The following PSME3 variants were observed in gnomAD, a reference collection of about 807,000 sequenced individuals.
PSME3 encodes the protein proteasome activator subunit 3.
PSME3 carries 7 observed loss-of-function variants against 38.3 expected under a neutral mutation model. The ratio of observed to expected loss-of-function variants is 0.18; its 90% CI spans 0.10 to 0.34. The LOEUF is 0.34. Ranked by LOEUF, PSME3 falls within the 10% of genes least tolerant of loss-of-function variation. The probability of loss-of-function intolerance (pLI) is 1.00; values close to 1 mark genes in which losing one functional copy is unlikely to be tolerated. For synonymous variants in PSME3, 108 were observed against 105.7 expected, an observed-to-expected ratio of 1.02 and a Z score of -0.13; for missense variants, 192 against 307.6, an observed-to-expected ratio of 0.62 and a Z score of 2.81.
At position 42,839,338 on chromosome 17, in the gene PSME3, T is replaced by C. The variant is rs763839071; in HGVS notation, c.642T>C (p.Tyr214=). The change falls in exon 10 of 11, where the codon TAT becomes TAC. Residue 214 remains tyrosine, a synonymous_variant. Transcript: ENST00000590720. ...RTVTEIDEKE[Y]ISLRLIISEL... Reference sequence around the variant, plus strand: ...TGACAGAGATTGATGAGAAAGAATATATCAGCCTTCGGCTCATCATATCAG... The same window carrying C: ...TGACAGAGATTGATGAGAAAGAATACATCAGCCTTCGGCTCATCATATCAG... The C allele has an allele frequency of 1.9e-6, 3 of 1,613,522 alleles. No individual in the cohort carries two copies. The South Asian group carries it at 3.3e-5, about 18-fold the overall frequency.
At position 42,843,367 on chromosome 17, in the gene PSME3, C is replaced by T. The variant is rs1201292499; in HGVS notation, c.*1789C>T. The T allele has an allele frequency of 6.5e-6, 1 of 152,676 alleles. No homozygotes were observed. The highest frequency in any genetic ancestry group is 1.9e-4 in the East Asian group (1 of 5,338). The allele number at this position is 152,676 out of a possible 1,614,324, so 9.5% of individuals were successfully genotyped here. On this transcript the variant is annotated 3_prime_UTR_variant, in exon 11 of 11. Transcript: ENST00000590720. ...GTTGTGTGTCCTTATGCCAGTTGAGCTGAATCTTTTCCCCAGTATAGTGGA... is the reference window on the plus strand; with the variant it reads ...GTTGTGTGTCCTTATGCCAGTTGAGTTGAATCTTTTCCCCAGTATAGTGGA...
At chr17:42,840,354 C>T (rs1257432686) in intron 10 of PSME3, among the ~76,000 whole-genome samples, 3 of 151,868 alleles carry the variant, frequency 2.0e-5, no homozygotes, top group African/African-American at 2.4e-5. Flanking sequence ...ACCTGTAATG[C>T]CAGCACTGTG....
Position 42,841,634 on chromosome 17 carries a change from TGG to T in PSME3, c.*57_*58del. On this transcript the variant is annotated 3_prime_UTR_variant, in exon 11 of 11. Coordinates refer to ENST00000590720, the MANE Select transcript of PSME3 (RefSeq NM_005789.4). The stretch of plus-strand genomic sequence containing the variant: ...GTCTGGCTCAAGACCGACATTGCCT[TGG>T]TTTGTTACATGACTATCGTGATGGG... The T allele has an allele frequency of 1.6e-6, 2 of 1,286,684 alleles. No homozygotes were observed. Among genetic ancestry groups the T allele is most frequent in the Non-Finnish European group, 2.2e-6 (2 of 921,140 alleles). 79.7% of individuals were successfully genotyped at this position (1,286,684 alleles called of 1,614,324 possible).
At position 42,834,584 on chromosome 17, in the gene PSME3, G is replaced by A. The variant is rs776736451; in HGVS notation, c.138+7G>A. On this transcript the variant is annotated splice_region_variant and intron_variant, in intron 3 of 10. Transcript: ENST00000590720. The stretch of plus-strand genomic sequence containing the variant: ...ACTTGATAGTTTTCTGAAGGTGAGA[G>A]ACCCTATTCTTTCCTCAAATTCCCC... 1.9e-6 allele frequency: 3 copies of A among 1,613,496 alleles called. No individual in the cohort carries two copies. The African/African-American group carries it at 4.0e-5, about 22-fold the overall frequency.
chr17:42,837,657 T>C lies in PSME3; in HGVS notation c.252T>C (p.Tyr84=), dbSNP rs576180002. The change falls in exon 5 of 11, where the codon TAT becomes TAC. Residue 84 remains tyrosine (Y), a synonymous_variant. Transcript: ENST00000590720. Reference sequence around the variant, plus strand: ...CCTCTTTGTATCCTTAGCCCACTTATAAGAAGCGAAGGTTGGATGAGTGTG... The same window carrying C: ...CCTCTTTGTATCCTTAGCCCACTTACAAGAAGCGAAGGTTGGATGAGTGTG... ...NSHDGLDGPT[Y]KKRRLDECEE... 8.1e-6 allele frequency: 13 copies of C among 1,614,114 alleles called. No individual in the cohort carries two copies. In the East Asian group the frequency reaches 1.3e-4, roughly 17 times the overall value.
chr17:42,835,283 C>T (rs1276406077), intron 4 of PSME3, among the ~76,000 whole-genome samples: 4 of 152,142 alleles, frequency 2.6e-5, no homozygotes, highest in African/African-American at 4.8e-5. Context: ...GTAATCCACC[C>T]GCCTCAGCGT....
rs1366049969 is a variant in PSME3, at chr17:42,837,821, A to C, written c.292+124A>C. The stretch of plus-strand genomic sequence containing the variant: ...TCTAATCTTACTTCCCAGAGGTAGC[A>C]TTCCCAGCTCCTCCAAACGTGCTTG... On this transcript the variant is annotated intron_variant, in intron 5 of 10. Transcript: ENST00000590720. 8.5e-6 allele frequency: 10 copies of C among 1,170,550 alleles called. No individual in the cohort carries two copies. In the Admixed American group the frequency reaches 1.7e-4, roughly 20 times the overall value. 72.5% of individuals were successfully genotyped at this position (1,170,550 alleles called of 1,614,324 possible). A position where few individuals can be genotyped will look rare whatever the true frequency, so the allele number is the denominator to read the frequency against.
chr17:42,839,579 G>C (rs1455624433), intron 10 of PSME3, among the ~76,000 whole-genome samples, 199 bp downstream of exon 10: 3 of 152,214 alleles, frequency 2.0e-5, no homozygotes, highest in Non-Finnish European at 4.4e-5. Flanking sequence ...GTGGAGGGGT[G>C]TGCAGTACAA....
intron 4 of PSME3, among the ~76,000 whole-genome samples, chr17:42,836,561 C>A (rs78776991): frequency 6.6e-6 from 1 of 152,068 alleles, no homozygotes; most frequent in Non-Finnish European, 1.5e-5. Flanking sequence ...AGAACCTTTT[C>A]TTTCTTTCTC....
intron 4 of PSME3, among the ~76,000 whole-genome samples, chr17:42,837,062 A>G (rs1446519518): frequency 6.9e-6 from 1 of 144,004 alleles, no homozygotes; most frequent in Non-Finnish European, 1.5e-5. Context: ...TTTTATTTTT[A>G]TTTTTTGGAG....
chr17:42,840,652 C>A (rs2055520657), intron 10 of PSME3, among the ~76,000 whole-genome samples: 1 of 152,138 alleles, frequency 6.6e-6, no homozygotes, highest in African/African-American at 2.4e-5. Context: ...GCACAAAATT[C>A]ATTCGCTTTT....
intron 10 of PSME3, among the ~76,000 whole-genome samples, 180 bp downstream of exon 10, chr17:42,839,560 T>C (rs1045735395): frequency 2.0e-5 from 3 of 152,212 alleles, no homozygotes; most frequent in Non-Finnish European, 4.4e-5. Flanking sequence ...CTCTCTTTTT[T>C]CTACCTGAGT....
intron 4 of PSME3, 56 bp from the exon 5 acceptor site, chr17:42,837,593 G>A (rs2055478502): frequency 1.3e-6 from 2 of 1,538,702 alleles, no homozygotes; most frequent in Admixed American, 1.7e-5. Flanking sequence ...AGGGTATCTT[G>A]TGATGGAGAT....
chr17:42,837,858 T>G, intron 5 of PSME3, 161 bp downstream of exon 5: 1 of 926,718 alleles, frequency 1.1e-6, no homozygotes, highest in Middle Eastern at 3.4e-4. Context: ...TATTGAGTGC[T>G]CTAAACCTGG....
Position 42,834,590 on chromosome 17 carries a change from A to G in PSME3, c.138+13A>G, listed in dbSNP as rs1477118137. The G allele has an allele frequency of 6.2e-7, 1 of 1,613,006 alleles. No individual in the cohort carries two copies. Among genetic ancestry groups the G allele is most frequent in the Non-Finnish European group, 8.5e-7 (1 of 1,179,300 alleles). ...TAGTTTTCTGAAGGTGAGAGACCCT[A>G]TTCTTTCCTCAAATTCCCCAATTTT... On this transcript the variant is annotated intron_variant, in intron 3 of 10. Transcript: ENST00000590720.
Position 42,833,547 on chromosome 17 carries a change from G to A in PSME3, c.-85G>A, listed in dbSNP as rs746810222. ...GGGCGGTCGGGTCCCGAGGTCAGCC[G>A]AGATTTCTCAGGTCCCTCCGGCCCC... On this transcript the variant is annotated 5_prime_UTR_variant, in exon 1 of 11. Transcript: ENST00000590720. 39 of 1,574,612 alleles carry A rather than the reference G, an allele frequency of 2.5e-5. No individual in the cohort carries two copies. The highest frequency in any genetic ancestry group is 1.2e-4 in the Admixed American group (7 of 59,512).
Position 42,841,908 on chromosome 17 carries a change from TTA to T in PSME3, c.*332_*333del. 1 of 191,746 alleles carries T rather than the reference TTA, an allele frequency of 5.2e-6. No individual in the cohort carries two copies. The highest frequency in any genetic ancestry group is 2.3e-5 in the African/African-American group (1 of 42,792). The allele number at this position is 191,746 out of a possible 1,614,324, so 11.9% of individuals were successfully genotyped here. On this transcript the variant is annotated 3_prime_UTR_variant, in exon 11 of 11. Coordinates refer to ENST00000590720, the MANE Select transcript of PSME3 (RefSeq NM_005789.4). ...CTCTCTCCCTCCTGTGTCTTGCGCT[TTA>T]TGTTTTCTTCCGTTTGATAATTAGT...
At chr17:42,835,656 C>T (rs1372249577) in intron 4 of PSME3, among the ~76,000 whole-genome samples, 5 of 151,218 alleles carry the variant, frequency 3.3e-5, no homozygotes, top group East Asian at 2.0e-4. Context: ...ACCCAGGAGG[C>T]GGAGCTTGCA....
At chr17:42,838,260 C>CA (rs1465849580) in intron 6 of PSME3, 55 bp downstream of exon 6, 47 of 1,599,206 alleles carry the variant, frequency 2.9e-5, no homozygotes, top group Non-Finnish European at 3.8e-5. Context: ...ACCTGAAGTG[C>CA]AAAAAACAGT....
Sources: allele counts gnomAD v4.1 joint callset (sites outside exome capture counted in the v4.1 genomes callset), GRCh38; gene constraint gnomAD v4.1.1; transcripts MANE v1.5; gene names NCBI Gene and HGNC (gene_info 2026-07-23, HGNC 2026-07-21).